ERAP1: variants seen among roughly 807,000 people sequenced by gnomAD.
ERAP1 encodes endoplasmic reticulum aminopeptidase 1.
In ERAP1, 86 loss-of-function variants were observed where a neutral mutation model predicts 103.7. That is an observed-to-expected ratio of 0.83 (90% confidence interval 0.70 to 0.99). ERAP1 has a LOEUF of 0.99. Ranked by LOEUF, ERAP1 falls within the 50% of genes least tolerant of loss-of-function variation. The pLI, the probability that ERAP1 is intolerant of heterozygous loss-of-function variation, is 0.00. For synonymous variants in ERAP1, 398 were observed against 402.4 expected, an observed-to-expected ratio of 0.99 and a Z score of 0.13; for missense variants, 1,009 against 1,128.4, an observed-to-expected ratio of 0.89 and a Z score of 1.52.
At chr5:96,777,559 G>A (rs974287173) in intron 18 of ERAP1, among the ~76,000 whole-genome samples, 23 of 151,896 alleles carry the variant, frequency 1.5e-4, no homozygotes, top group African/African-American at 5.6e-4. Context: ...ACAATGAGCA[G>A]AAGGCATGGC....
the ERAP1 span, among the ~76,000 whole-genome samples, chr5:96,831,630 C>T: frequency 6.6e-6 from 1 of 152,242 alleles, no homozygotes; most frequent in East Asian, 1.9e-4. Flanking sequence ...AGGGTCTTAT[C>T]CATAGCATCT....
At chr5:96,908,316 C>A in the ERAP1 span, among the ~76,000 whole-genome samples, 1 of 152,288 alleles carries the variant, frequency 6.6e-6, no homozygotes, top group Admixed American at 6.5e-5. Context: ...GTTTCCTCTA[C>A]AGAAGATGCC....
At chr5:96,785,490 G>A (rs1199532188) in intron 13 of ERAP1, 8 of 402,182 alleles carry the variant, frequency 2.0e-5, no homozygotes, top group African/African-American at 8.2e-5. Context: ...GCGGGGACAA[G>A]GCAAGGAGTT....
rs1475158534 is a variant in ERAP1, at chr5:96,797,232, C to T, written c.741G>A (p.Val247=). The change falls in exon 4 of 19, where the codon GTG becomes GTA. Residue 247 remains valine, a synonymous_variant. Transcript: ENST00000443439. ...DVTVKMSTYL[V]AFIISDFESV... ...ACTCAAAATCTGAAATGATGAAGGCCACCAGATAGGTGCTCATCTTCACAG... is the reference window on the plus strand; with the variant it reads ...ACTCAAAATCTGAAATGATGAAGGCTACCAGATAGGTGCTCATCTTCACAG... 1 of 1,614,160 alleles carries T rather than the reference C, an allele frequency of 6.2e-7. No individual in the cohort carries two copies.
chr5:96,837,441 G>A, the ERAP1 span, among the ~76,000 whole-genome samples: 2 of 152,194 alleles, frequency 1.3e-5, no homozygotes, highest in Non-Finnish European at 2.9e-5. Flanking sequence ...GTGCACGGGC[G>A]CTGGACCCAG....
chr5:96,903,687 G>C, the ERAP1 span: 1 of 822,126 alleles, frequency 1.2e-6, no homozygotes, highest in East Asian at 2.7e-5. Context: ...TTCAAACAGT[G>C]ATCACTAGGC....
chr5:96,786,855 C>G, intron 11 of ERAP1: 1 of 334,888 alleles, frequency 3.0e-6, no homozygotes, highest in Non-Finnish European at 5.7e-6. Flanking sequence ...ACTCATGTGC[C>G]TCCTGAATAG....
At chr5:96,919,278 G>A in the ERAP1 span, 1 of 152,236 alleles carries the variant, frequency 6.6e-6, no homozygotes, top group South Asian at 2.1e-4. Flanking sequence ...ACATTTTTTG[G>A]TTAAATTTGT....
the ERAP1 span, among the ~76,000 whole-genome samples, chr5:96,825,243 A>C: frequency 5.9e-5 from 9 of 152,220 alleles, no homozygotes; most frequent in African/African-American, 2.2e-4. Context: ...TCTTTGACAC[A>C]GAAGTTATTT....
chr5:96,834,118 T>A, the ERAP1 span, among the ~76,000 whole-genome samples: 1 of 152,234 alleles, frequency 6.6e-6, no homozygotes, highest in East Asian at 1.9e-4. Context: ...CATCATCAGA[T>A]ATTTAGTTCC....
chr5:96,765,955 A>C (rs926482397), intron 19 of ERAP1: 5 of 732,850 alleles, frequency 6.8e-6, no homozygotes, highest in Non-Finnish European at 7.2e-6. Flanking sequence ...GTTTTGCCTC[A>C]TGAAAGTACA....
chr5:96,927,671 G>A, the ERAP1 span, among the ~76,000 whole-genome samples: 1 of 151,866 alleles, frequency 6.6e-6, no homozygotes, highest in Non-Finnish European at 1.5e-5. Context: ...TATTTTTAGT[G>A]GAGACGGGGT....
At chr5:96,838,627 A>G in the ERAP1 span, among the ~76,000 whole-genome samples, 1 of 151,396 alleles carries the variant, frequency 6.6e-6, no homozygotes, top group Non-Finnish European at 1.5e-5. Flanking sequence ...AAATTTGTAG[A>G]TAAAGTTGCC....
the ERAP1 span, chr5:96,880,078 G>T: frequency 2.5e-6 from 4 of 1,614,156 alleles, no homozygotes; most frequent in Non-Finnish European, 3.4e-6. Context: ...CAAGATACAT[G>T]AAACCAGGAA....
At chr5:96,900,092 T>G in the ERAP1 span, 1 of 1,613,502 alleles carries the variant, frequency 6.2e-7, no homozygotes, top group Non-Finnish European at 8.5e-7. Flanking sequence ...ATGCCTACAT[T>G]GCAGTGCTCT....
At chr5:96,773,817 G>C (rs1267448987), downstream of ERAP1, 1 of 152,274 alleles carries the variant, frequency 6.6e-6, no homozygotes, top group Non-Finnish European at 1.5e-5. Context: ...ACATAAAACA[G>C]ATTGGGAATT....
chr5:96,898,917 CAT>C, the ERAP1 span, among the ~76,000 whole-genome samples: 2 of 151,886 alleles, frequency 1.3e-5, no homozygotes, highest in African/African-American at 4.8e-5. Flanking sequence ...TCTCCCTTGC[CAT>C]GTGTGTGTGC....
chr5:96,910,012 T>A, the ERAP1 span: 8 of 343,232 alleles, frequency 2.3e-5, no homozygotes, highest in African/African-American at 1.6e-4. Context: ...ACGCCTATAA[T>A]CCCAGCACTT....
In ERAP1 at chr5:96,781,722, G is replaced by A. The variant is rs996638829; in HGVS notation, c.2418C>T (p.Cys806=). 1 of 1,614,172 alleles carries A rather than the reference G, an allele frequency of 6.2e-7. No homozygotes were observed. Residue 806 remains cysteine (C), a synonymous_variant, in exon 16 of 19, where the codon TGC becomes TGT. Coordinates refer to ENST00000443439, the MANE Select transcript of ERAP1 (RefSeq NM_001040458.3). ...GAAGCTTTTCCTTATTTTGGGTTCT[G>A]CAGAGGGCAAATTCAATTTGGCTTT... The part of the protein sequence containing the change: ...TEKSQIEFAL[C]RTQNKEKLQW...
Sources: gnomAD v4.1 joint callset for allele counts (sites outside exome capture counted in the v4.1 genomes callset) on GRCh38, gnomAD v4.1.1 for gene constraint, MANE v1.5 for transcripts, NCBI Gene and HGNC (gene_info 2026-07-23, HGNC 2026-07-21) for gene names.